The following LINGO2 variants were observed in gnomAD, a reference collection of about 807,000 sequenced individuals.
The protein encoded by LINGO2 is leucine rich repeat and Ig domain containing 2.
Under a neutral mutation model 30.6 loss-of-function variants are expected in LINGO2, and 14 were observed. The observed-to-expected ratio is 0.46, with a 90% CI of 0.30 to 0.72. LINGO2 has a LOEUF of 0.72. LINGO2 is among the 30% of genes least tolerant of loss of function. The pLI is 0.07. For missense variants in LINGO2, 729 were observed against 751.7 expected, an observed-to-expected ratio of 0.97 and a Z score of 0.35; for synonymous variants, 317 against 288.5, an observed-to-expected ratio of 1.10 and a Z score of -1.00.
chr9:28,644,845 A>C (rs968451203), intron 1 of LINGO2, among the ~76,000 whole-genome samples: 9 of 152,008 alleles, frequency 5.9e-5, no homozygotes, highest in African/African-American at 1.9e-4. Context: ...CACATAAATC[A>C]AATTTTTTTA....
At chr9:28,124,443 C>T (rs1827184051) in intron 4 of LINGO2, among the ~76,000 whole-genome samples, 1 of 152,106 alleles carries the variant, frequency 6.6e-6, no homozygotes. Context: ...GAAGTTTTCC[C>T]TCAATCACAG....
intron 4 of LINGO2, among the ~76,000 whole-genome samples, chr9:28,020,574 ACAAAACAAG>A (rs1823068189): frequency 1.5e-5 from 2 of 135,262 alleles, no homozygotes; most frequent in Admixed American, 7.6e-5. Context: ...AACAAAACAA[ACAAAACAAG>A]AAAGTGTTAC....
At chr9:28,131,249 T>C (rs571387564) in intron 4 of LINGO2, among the ~76,000 whole-genome samples, 22 of 152,068 alleles carry the variant, frequency 1.4e-4, no homozygotes, top group Non-Finnish European at 2.9e-4. Flanking sequence ...TCATGTATTT[T>C]GTATTTTGCA....
At chr9:28,429,472 C>T (rs896261071) in intron 2 of LINGO2, among the ~76,000 whole-genome samples, 2 of 152,080 alleles carry the variant, frequency 1.3e-5, no homozygotes, top group African/African-American at 4.8e-5. Context: ...AGTTGAGGTC[C>T]ATTTCCTCTT....
intron 4 of LINGO2, among the ~76,000 whole-genome samples, chr9:28,014,179 C>A (rs146300407): frequency 6.6e-6 from 1 of 152,100 alleles, no homozygotes; most frequent in Non-Finnish European, 1.5e-5. Flanking sequence ...ACAGTTGGTG[C>A]GCTCGAGCAT....
intron 2 of LINGO2, among the ~76,000 whole-genome samples, chr9:28,403,922 C>A (rs1822383621): frequency 6.6e-6 from 1 of 152,010 alleles, no homozygotes; most frequent in African/African-American, 2.4e-5. Context: ...CATCTCTATT[C>A]TTCTCCCAAT....
chr9:29,005,118 A>G, the LINGO2 span, among the ~76,000 whole-genome samples: 2 of 152,024 alleles, frequency 1.3e-5, no homozygotes, highest in African/African-American at 2.4e-5. Context: ...TATATAAACC[A>G]CAAAGTTTTA....
chr9:27,944,660 G>GA (rs887006693), downstream of LINGO2, among the ~76,000 whole-genome samples: 2 of 152,116 alleles, frequency 1.3e-5, no homozygotes, highest in African/African-American at 4.8e-5. Flanking sequence ...GCCAACGGTG[G>GA]AAAATCAATG....
chr9:29,200,113 T>C, the LINGO2 span, among the ~76,000 whole-genome samples: 1 of 152,040 alleles, frequency 6.6e-6, no homozygotes, highest in Non-Finnish European at 1.5e-5. Flanking sequence ...CTGGAGTTTT[T>C]CCCGGATACA....
the LINGO2 span, among the ~76,000 whole-genome samples, chr9:29,106,481 C>T: frequency 6.6e-6 from 1 of 152,104 alleles, no homozygotes; most frequent in Non-Finnish European, 1.5e-5. Flanking sequence ...ACGGAATTCT[C>T]TTATAAATCG....
intron 4 of LINGO2, among the ~76,000 whole-genome samples, chr9:28,120,468 A>G (rs1827062723): frequency 6.6e-6 from 1 of 152,228 alleles, no homozygotes; most frequent in African/African-American, 2.4e-5. Flanking sequence ...CAAAGAAAAC[A>G]GGCTATACAG....
At chr9:29,169,479 C>T in the LINGO2 span, among the ~76,000 whole-genome samples, 1 of 151,800 alleles carries the variant, frequency 6.6e-6, no homozygotes, top group African/African-American at 2.4e-5. Flanking sequence ...CATACACAGA[C>T]ATTCTTCAAA....
intron 5 of LINGO2, among the ~76,000 whole-genome samples, chr9:27,987,231 T>C (rs1821167437): frequency 6.6e-6 from 1 of 151,892 alleles, no homozygotes; most frequent in East Asian, 1.9e-4. Context: ...GTCTTCCTTG[T>C]CAACATTTGC....
the LINGO2 span, among the ~76,000 whole-genome samples, chr9:29,212,151 G>A: frequency 1.6e-3 from 239 of 152,282 alleles, 1 homozygote; most frequent in African/African-American, 5.2e-3. Flanking sequence ...TCCAGTTCAA[G>A]GCACAGCTTT....
chr9:28,882,010 C>T, the LINGO2 span, among the ~76,000 whole-genome samples: 3 of 152,200 alleles, frequency 2.0e-5, no homozygotes, highest in African/African-American at 7.2e-5. Flanking sequence ...ACCTGTACAG[C>T]ATTTTAAATC....
At chr9:28,266,381 C>G (rs1442882140) in intron 4 of LINGO2, among the ~76,000 whole-genome samples, 1 of 151,976 alleles carries the variant, frequency 6.6e-6, no homozygotes, top group Non-Finnish European at 1.5e-5. Flanking sequence ...TTCTCTGATG[C>G]AACTAATTGT....
At chr9:29,092,483 C>G in the LINGO2 span, among the ~76,000 whole-genome samples, 1 of 151,984 alleles carries the variant, frequency 6.6e-6, no homozygotes, top group Non-Finnish European at 1.5e-5. Flanking sequence ...TAATACTTAC[C>G]TATAAAATGT....
intron 5 of LINGO2, among the ~76,000 whole-genome samples, chr9:27,975,936 G>C (rs1820572706): frequency 6.6e-6 from 1 of 152,038 alleles, no homozygotes; most frequent in African/African-American, 2.4e-5. Flanking sequence ...ATCAAACTTG[G>C]TGATTATATG....
intron 4 of LINGO2, among the ~76,000 whole-genome samples, chr9:28,098,035 T>C (rs1198222055): frequency 2.0e-5 from 3 of 152,210 alleles, no homozygotes; most frequent in Non-Finnish European, 2.9e-5. Flanking sequence ...CCAGGTGCAG[T>C]GGCTCATGCC....
Sources: gnomAD v4.1 joint callset for allele counts (sites outside exome capture counted in the v4.1 genomes callset) on GRCh38, gnomAD v4.1.1 for gene constraint, MANE v1.5 for transcripts, NCBI Gene and HGNC (gene_info 2026-07-23, HGNC 2026-07-21) for gene names.